FRMPD4: variants seen among roughly 807,000 people sequenced by gnomAD.
FRMPD4 encodes FERM and PDZ domain-containing protein 4.
FRMPD4 carries 22 observed loss-of-function variants against 94.1 expected under a neutral mutation model. That is an observed-to-expected ratio of 0.23 (90% CI 0.17 to 0.33). The LOEUF is 0.33. Among genes scored for constraint, FRMPD4 ranks in the 10% least tolerant of loss-of-function variants. The pLI, the probability that FRMPD4 is intolerant of heterozygous loss-of-function variation, is 1.00. For synonymous variants in FRMPD4, 631 were observed against 548.6 expected (o/e 1.15, Z -2.10); for missense variants, 1,111 against 1,339.9 (o/e 0.83, Z 2.67).
chrX:12,212,591 T>G (rs1316300503), intron 1 of FRMPD4, among the ~76,000 whole-genome samples: 1 of 111,615 alleles, frequency 9.0e-6, no homozygotes, highest in Non-Finnish European at 1.9e-5. Flanking sequence ...AGAATACATT[T>G]CTAACTTGTT....
chrX:12,289,704 C>T (rs962883093), intron 1 of FRMPD4, among the ~76,000 whole-genome samples: 7 of 111,322 alleles, frequency 6.3e-5, no homozygotes, highest in Non-Finnish European at 1.1e-4. Context: ...CCATAGTTTC[C>T]AAGGCTACAG....
At chrX:11,967,698 C>T (rs775686551) in intron 3 of FRMPD4, among the ~76,000 whole-genome samples, 12 of 105,137 alleles carry the variant, frequency 1.1e-4, no homozygotes, top group African/African-American at 3.8e-4. Context: ...TAACAGGAAC[C>T]GGGAATACAC....
At chrX:12,673,277 C>T (rs772722814) in intron 4 of FRMPD4, among the ~76,000 whole-genome samples, 1 of 112,082 alleles carries the variant, frequency 8.9e-6, no homozygotes, top group East Asian at 2.8e-4. Flanking sequence ...TTTCTTGTTG[C>T]CTGTGAACGA....
At chrX:12,211,170 T>C (rs2048770315) in intron 1 of FRMPD4, among the ~76,000 whole-genome samples, 1 of 112,129 alleles carries the variant, frequency 8.9e-6, no homozygotes, top group Admixed American at 9.5e-5. Context: ...CATCAAGACT[T>C]GGATAGTGGT....
At chrX:11,845,926 C>G (rs1437050872) in intron 1 of FRMPD4, among the ~76,000 whole-genome samples, 1 of 107,099 alleles carries the variant, frequency 9.3e-6, no homozygotes, top group Non-Finnish European at 1.9e-5. Context: ...CAATATCATA[C>G]TGAATGGGCA....
At chrX:12,671,078 A>G (rs2059837095) in intron 4 of FRMPD4, among the ~76,000 whole-genome samples, 1 of 112,221 alleles carries the variant, frequency 8.9e-6, no homozygotes, top group Non-Finnish European at 1.9e-5. Context: ...TTAAAAAGTC[A>G]GGAAACAACA....
intron 3 of FRMPD4, among the ~76,000 whole-genome samples, chrX:12,065,627 G>A (rs1301609391): frequency 8.9e-6 from 1 of 111,803 alleles, no homozygotes; most frequent in Non-Finnish European, 1.9e-5. Context: ...GCCTACTGTG[G>A]CTGTTCTTGT....
chrX:12,188,993 A>G lies in FRMPD4; in HGVS notation c.41+49981A>G, dbSNP rs912930734. On this transcript the variant is annotated intron_variant, in intron 1 of 16. Coordinates refer to ENST00000675598, the MANE Select transcript of FRMPD4 (RefSeq NM_001368397.1). ...AATCAATAAAGAAATTTCTTTTAAA[A>G]GCCCAGAAGCTTGTTCTTTGAAAAG... Among the ~76,000 whole-genome samples the G allele has an allele frequency of 4.5e-5, 5 of 111,702 alleles. No homozygotes were observed. The Admixed American group carries it at 4.8e-4, about 11-fold the overall frequency.
At chrX:12,237,585 T>G (rs2057084339) in intron 1 of FRMPD4, among the ~76,000 whole-genome samples, 1 of 112,622 alleles carries the variant, frequency 8.9e-6, no homozygotes, top group South Asian at 3.7e-4. Context: ...GTTTAGATAT[T>G]AATCCTGAGG....
At chrX:12,154,787 G>A (rs1280659087) in intron 1 of FRMPD4, among the ~76,000 whole-genome samples, 1 of 112,279 alleles carries the variant, frequency 8.9e-6, no homozygotes, top group Non-Finnish European at 1.9e-5. Context: ...TCCTGGATTC[G>A]GCTTCATGGA....
chrX:12,337,285 A>T (rs938155959), intron 1 of FRMPD4, among the ~76,000 whole-genome samples: 2 of 111,988 alleles, frequency 1.8e-5, no homozygotes, highest in African/African-American at 6.5e-5. Flanking sequence ...AATTGCAAAA[A>T]TTAAGTAAAA....
chrX:12,391,684 A>C (rs2056476767), intron 1 of FRMPD4, among the ~76,000 whole-genome samples: 1 of 111,516 alleles, frequency 9.0e-6, no homozygotes, highest in South Asian at 3.8e-4. Flanking sequence ...CCCTGATGTC[A>C]CTTTGCCATG....
At chrX:11,951,992 C>T (rs968885540) in intron 3 of FRMPD4, among the ~76,000 whole-genome samples, 2 of 112,126 alleles carry the variant, frequency 1.8e-5, no homozygotes, top group African/African-American at 6.5e-5. Context: ...GTCATAATGG[C>T]GCCACTGTAC....
intron 1 of FRMPD4, among the ~76,000 whole-genome samples, chrX:12,383,950 G>C (rs1364670507): frequency 1.8e-5 from 2 of 111,073 alleles, no homozygotes; most frequent in Non-Finnish European, 3.8e-5. Flanking sequence ...GAGACCACTA[G>C]AACCCAGGGA....
intron 1 of FRMPD4, among the ~76,000 whole-genome samples, chrX:12,240,896 G>A (rs979564485): frequency 2.7e-5 from 3 of 112,280 alleles, no homozygotes; most frequent in African/African-American, 6.5e-5. Flanking sequence ...TTCCAAAAGG[G>A]TAATGTTTCA....
At chrX:12,093,832 C>G (rs1601933228) in intron 3 of FRMPD4, among the ~76,000 whole-genome samples, 1 of 109,862 alleles carries the variant, frequency 9.1e-6, no homozygotes, top group South Asian at 4.0e-4. Flanking sequence ...GACCAGCTCT[C>G]CTGCCTCATC....
intron 9 of FRMPD4, 98 bp from the exon 10 acceptor site, chrX:12,701,776 G>A: frequency 1.1e-6 from 1 of 928,442 alleles, no homozygotes; most frequent in Non-Finnish European, 1.5e-6. Context: ...GGGAAGTGAA[G>A]GTTGAATCAC....
chrX:11,919,978 G>T (rs2054046208), intron 3 of FRMPD4, among the ~76,000 whole-genome samples: 1 of 112,013 alleles, frequency 8.9e-6, no homozygotes, highest in African/African-American at 3.2e-5. Flanking sequence ...TCTCTTTTTA[G>T]CTCTGTAATT....
At chrX:12,219,710 T>C (rs1040772971) in intron 1 of FRMPD4, among the ~76,000 whole-genome samples, 5 of 112,250 alleles carry the variant, frequency 4.5e-5, no homozygotes, top group Non-Finnish European at 9.4e-5. Flanking sequence ...CTTAAAGCCT[T>C]ATAGTTGTAT....
Sources: allele counts gnomAD v4.1 joint callset (sites outside exome capture counted in the v4.1 genomes callset), GRCh38; gene constraint gnomAD v4.1.1; transcripts MANE v1.5; gene names NCBI Gene and HGNC (gene_info 2026-07-23, HGNC 2026-07-21).